The following CDH13 variants were observed in gnomAD, a reference collection of about 807,000 sequenced individuals.
The protein encoded by CDH13 is cadherin-13.
Under a neutral mutation model 63.8 loss-of-function variants are expected in CDH13, and 24 were observed. The ratio of observed to expected loss-of-function variants is 0.38; its 90% CI spans 0.27 to 0.53. The LOEUF is 0.53. Ranked by LOEUF, CDH13 falls within the 20% of genes least tolerant of loss-of-function variation. The probability of loss-of-function intolerance (pLI) is 0.85; values close to 1 mark genes in which losing one functional copy is unlikely to be tolerated. For missense variants in CDH13, 1,049 were observed against 903.1 expected (o/e 1.16, Z -2.07); for synonymous variants, 503 against 355.3 (o/e 1.42, Z -4.67).
chr16:82,971,299 C>G (rs891199049), intron 2 of CDH13, among the ~76,000 whole-genome samples: 1 of 152,196 alleles, frequency 6.6e-6, no homozygotes, highest in Non-Finnish European at 1.5e-5. Flanking sequence ...TATCTCATTT[C>G]CTATTCTCAC....
At chr16:83,581,276 CT>C (rs1229451100) in intron 7 of CDH13, among the ~76,000 whole-genome samples, 1 of 152,188 alleles carries the variant, frequency 6.6e-6, no homozygotes, top group Non-Finnish European at 1.5e-5. Flanking sequence ...GTATTTACCC[CT>C]GTTTTAAACA....
chr16:82,717,823 G>A (rs1294200993), intron 1 of CDH13, among the ~76,000 whole-genome samples: 1 of 152,010 alleles, frequency 6.6e-6, no homozygotes, highest in African/African-American at 2.4e-5. Context: ...GGTACCTTTG[G>A]GGATCATTAT....
rs767319120 is a variant in CDH13 at position 82,934,493 on chromosome 16, A to G, written c.157+76020A>G. The stretch of plus-strand genomic sequence containing the variant: ...ATGAAGATCTGTGACATGCCCTGCA[A>G]TTTCCCCATTGTCTTGGTGATTAAC... On this transcript the variant is annotated intron_variant, in intron 2 of 13. Transcript: ENST00000567109. Among the ~76,000 whole-genome samples, 20 of 152,086 alleles carry G rather than the reference A, an allele frequency of 1.3e-4. 1 individual carries two copies. Among genetic ancestry groups the G allele is most frequent in the Non-Finnish European group, 1.5e-5 (1 of 68,006 alleles).
chr16:83,111,128 C>A (rs1366075638), intron 3 of CDH13, among the ~76,000 whole-genome samples: 3 of 151,112 alleles, frequency 2.0e-5, no homozygotes, highest in African/African-American at 7.3e-5. Context: ...GCCGAGATGA[C>A]GCCACTGCAC....
intron 6 of CDH13, among the ~76,000 whole-genome samples, chr16:83,349,451 G>C (rs369474946): frequency 2.6e-5 from 4 of 152,162 alleles, no homozygotes; most frequent in African/African-American, 9.7e-5. Flanking sequence ...ATGAGGAATG[G>C]CATGTCAGGC....
intron 7 of CDH13, among the ~76,000 whole-genome samples, chr16:83,534,297 C>T (rs997561981): frequency 2.6e-5 from 4 of 152,218 alleles, no homozygotes; most frequent in Non-Finnish European, 5.9e-5. Flanking sequence ...GATTCAAATA[C>T]CAGTCCCTTC....
At chr16:82,875,347 T>G (rs2040469081) in intron 2 of CDH13, among the ~76,000 whole-genome samples, 1 of 152,206 alleles carries the variant, frequency 6.6e-6, no homozygotes, top group Non-Finnish European at 1.5e-5. Flanking sequence ...ATGACTTAGT[T>G]AGGATTCTGA....
intron 6 of CDH13, among the ~76,000 whole-genome samples, chr16:83,415,094 T>C (rs1278758291): frequency 1.3e-5 from 2 of 151,690 alleles, no homozygotes; most frequent in Non-Finnish European, 1.5e-5. Flanking sequence ...TTACCACTTA[T>C]ACCACAGAAA....
rs948267993 is a variant in CDH13 at position 82,671,078 on chromosome 16, A to T, written c.45+43941A>T. Among the ~76,000 whole-genome samples, 15 of 152,258 alleles carry T rather than the reference A, an allele frequency of 9.9e-5. No homozygotes were observed. In the East Asian group the frequency reaches 2.9e-3, roughly 30 times the overall value. On this transcript the variant is annotated intron_variant, in intron 1 of 13. Coordinates refer to ENST00000567109, the MANE Select transcript of CDH13 (RefSeq NM_001257.5). ...CTCATGCCAGCCTTTCGTGGGTATT[A>T]GATGGCGAGGGGAAAGTCATCAAGC...
chr16:83,369,467 A>G (rs1248185748), intron 6 of CDH13, among the ~76,000 whole-genome samples: 3 of 152,196 alleles, frequency 2.0e-5, no homozygotes, highest in Admixed American at 6.5e-5. Context: ...TTGCCAGTCT[A>G]GAGTACAGTA....
chr16:82,758,595 A>C (rs1025243855), intron 1 of CDH13, among the ~76,000 whole-genome samples: 2 of 152,216 alleles, frequency 1.3e-5, no homozygotes, highest in Non-Finnish European at 2.9e-5. Context: ...CCAGTGAGCC[A>C]ATCAGCAGCC....
chr16:83,426,898 T>C lies in CDH13; in HGVS notation c.782-59579T>C, dbSNP rs540092584. 3.6e-4 allele frequency among the ~76,000 whole-genome samples: 52 copies of C among 143,646 alleles called. No individual in the cohort carries two copies. In the South Asian group the frequency reaches 0.011, roughly 30 times the overall value. The allele number at this position is 143,646 out of a possible 152,430, so 94.2% of individuals were successfully genotyped here. A position where few individuals can be genotyped will look rare whatever the true frequency, so the allele number is the denominator to read the frequency against. ...TCCTAATTCTCAGAATCTATAAATA[T>C]GTTTCTTTCTTTTTTTTTTTTTTTT... On this transcript the variant is annotated intron_variant, in intron 6 of 13. Coordinates refer to ENST00000567109, the MANE Select transcript of CDH13 (RefSeq NM_001257.5).
Position 83,078,268 on chromosome 16 carries a change from G to C in CDH13, c.366+46050G>C, listed in dbSNP as rs553621596. ...TGTCATGAACTCTGTTCTCTGTTCT[G>C]TAAACAAGCAGTCCCCAACCTTTTG... On this transcript the variant is annotated intron_variant, in intron 3 of 13. Coordinates refer to ENST00000567109, the MANE Select transcript of CDH13 (RefSeq NM_001257.5). Among the ~76,000 whole-genome samples the C allele has an allele frequency of 6.6e-5, 10 of 152,216 alleles. No homozygotes were observed. In the South Asian group the frequency reaches 1.0e-3, roughly 16 times the overall value.
chr16:83,087,755 T>A (rs9922279), intron 3 of CDH13, among the ~76,000 whole-genome samples: 10,845 of 151,198 alleles, frequency 0.072, 643 homozygotes, highest in African/African-American at 0.16. Context: ...CATACTTTCA[T>A]TGAATTTTTA....
intron 2 of CDH13, among the ~76,000 whole-genome samples, chr16:82,938,594 G>A (rs759403459): frequency 3.9e-5 from 6 of 152,166 alleles, no homozygotes; most frequent in Non-Finnish European, 8.8e-5. Context: ...GGTCCAGTGG[G>A]GACACATGAG....
intron 2 of CDH13, among the ~76,000 whole-genome samples, chr16:82,891,213 C>T (rs1196407647): frequency 6.6e-6 from 1 of 152,060 alleles, no homozygotes; most frequent in African/African-American, 2.4e-5. Flanking sequence ...CATGCTGGAA[C>T]TTATGTGGAG....
intron 3 of CDH13, among the ~76,000 whole-genome samples, chr16:83,043,500 T>C (rs750934385): frequency 0.014 from 1,925 of 137,722 alleles, 20 homozygotes; most frequent in Non-Finnish European, 0.02. Flanking sequence ...AGTGTGTGTG[T>C]GTGTGTGTGT....
chr16:82,679,032 C>A (rs1914250266), intron 1 of CDH13, among the ~76,000 whole-genome samples: 1 of 152,180 alleles, frequency 6.6e-6, no homozygotes, highest in African/African-American at 2.4e-5. Context: ...CTGAGGCACA[C>A]TCCTCCCAAG....
chr16:83,591,486 G>A (rs530903869), intron 7 of CDH13, among the ~76,000 whole-genome samples: 1 of 152,310 alleles, frequency 6.6e-6, no homozygotes, highest in South Asian at 2.1e-4. Context: ...TTCCTTGAAG[G>A]TAGGGCAGGA....
Sources: gnomAD v4.1 joint callset for allele counts (sites outside exome capture counted in the v4.1 genomes callset) on GRCh38, gnomAD v4.1.1 for gene constraint, MANE v1.5 for transcripts, NCBI Gene and HGNC (gene_info 2026-07-23, HGNC 2026-07-21) for gene names.